The following TSBP1 variants were observed in gnomAD, a reference collection of about 807,000 sequenced individuals.
TSBP1 encodes testis-expressed basic protein 1.
A neutral mutation model predicts 68.8 loss-of-function variants in TSBP1; 56 were observed. The observed-to-expected ratio is 0.81, with a 90% CI of 0.66 to 1.02. TSBP1 has a LOEUF of 1.02. Among genes scored for constraint, TSBP1 ranks in the 50% least tolerant of loss-of-function variants. The pLI, the probability that TSBP1 is intolerant of heterozygous loss-of-function variation, is 0.00. For synonymous variants in TSBP1, 171 were observed against 208.7 expected (o/e 0.82, Z 1.56); for missense variants, 502 against 641.2 (o/e 0.78, Z 2.34).
chr6:32,295,991 T>C (rs1419099586), intron 22 of TSBP1, among the ~76,000 whole-genome samples: 4 of 152,056 alleles, frequency 2.6e-5, no homozygotes, highest in African/African-American at 9.7e-5. Flanking sequence ...ATTACAGGCA[T>C]GTGCCACCAC....
Position 32,329,808 on chromosome 6 carries a change from T to TA in TSBP1, c.514+780dup, listed in dbSNP as rs144197614. 6.7e-3 allele frequency among the ~76,000 whole-genome samples: 1,017 copies of TA among 152,310 alleles called. 17 individuals carry two copies. Among genetic ancestry groups the TA allele is most frequent in the East Asian group, 0.02 (102 of 5,182 alleles). ...CTGCTTGACTTAAACTTTCTAATGC[T>TA]ATCCCTTAATTTCTAGATTCAGAAT... On this transcript the variant is annotated intron_variant, in intron 16 of 22. Transcript: ENST00000612031.
chr6:32,293,015 G>T (rs1764306003), exon 23 of TSBP1: 6 of 1,607,458 alleles, frequency 3.7e-6, no homozygotes, highest in Non-Finnish European at 3.4e-6. Context: ...CTTCCTTCCT[G>T]TATTTGCCTT....
At chr6:32,317,504 C>G (rs1767093404) in intron 18 of TSBP1, among the ~76,000 whole-genome samples, 1 of 152,138 alleles carries the variant, frequency 6.6e-6, no homozygotes, top group African/African-American at 2.4e-5. Context: ...AAGAAACTGT[C>G]AACAGAGTAA....
exon 23 of TSBP1, chr6:32,294,024 C>G (rs1764446432): frequency 6.2e-7 from 1 of 1,608,954 alleles, no homozygotes; most frequent in East Asian, 2.2e-5. Flanking sequence ...TCCATGTAAC[C>G]TGTTAATATA....
intron 6 of TSBP1, 89 bp downstream of exon 6, chr6:32,366,078 A>C (rs951583309): frequency 7.3e-6 from 11 of 1,500,310 alleles, no homozygotes; most frequent in African/African-American, 4.2e-5. Flanking sequence ...TCTTTTTTAA[A>C]TTTTGGTCAG....
At chr6:32,312,501 A>G (rs1399522796) in intron 19 of TSBP1, among the ~76,000 whole-genome samples, 1 of 152,216 alleles carries the variant, frequency 6.6e-6, no homozygotes. Context: ...CTAAGACATC[A>G]TTAAATGATA....
chr6:32,323,501 G>A (rs749198359), intron 17 of TSBP1, 90 bp downstream of exon 18: 12 of 1,249,426 alleles, frequency 9.6e-6, no homozygotes, highest in Non-Finnish European at 5.8e-6. Flanking sequence ...CACAGAGTTA[G>A]AAATGAGCAG....
At chr6:32,370,800 A>G (rs564496590) in intron 1 of TSBP1, among the ~76,000 whole-genome samples, 1 of 151,904 alleles carries the variant, frequency 6.6e-6, no homozygotes, top group Non-Finnish European at 1.5e-5. Flanking sequence ...CTTAGACAAT[A>G]TCATATGGTT....
Position 32,328,742 on chromosome 6 carries a change from G to A in TSBP1, c.514+1847C>T, listed in dbSNP as rs143803628. ...AAATTTTTGTATTTTTAGTAGAGAC[G>A]GGGTTTCACCATGTTTGTCAGGCTG... On this transcript the variant is annotated intron_variant, in intron 16 of 22. Coordinates refer to ENST00000612031, the Ensembl canonical transcript of TSBP1. 6.8e-3 allele frequency among the ~76,000 whole-genome samples: 1,024 copies of A among 151,032 alleles called. 18 individuals are homozygous for A. Among genetic ancestry groups the A allele is most frequent in the East Asian group, 0.02 (102 of 5,122 alleles).
chr6:32,362,290 A>AAT (rs1773142511), intron 6 of TSBP1, among the ~76,000 whole-genome samples: 1 of 148,910 alleles, frequency 6.7e-6, no homozygotes, highest in Admixed American at 6.7e-5. Flanking sequence ...CTCCGTCTCA[A>AAT]AAAAAAAAAA....
At chr6:32,322,965 A>C in intron 18 of TSBP1, 152 bp downstream of exon 19, 1 of 581,030 alleles carries the variant, frequency 1.7e-6, no homozygotes, top group Non-Finnish European at 3.0e-6. Flanking sequence ...ATGCTAGCTT[A>C]GTCCCACTTT....
intron 6 of TSBP1, among the ~76,000 whole-genome samples, chr6:32,362,609 T>A (rs1773192025): frequency 6.6e-6 from 1 of 152,246 alleles, no homozygotes; most frequent in African/African-American, 2.4e-5. Context: ...TGGCTTTCAT[T>A]TTGTTGATTG....
chr6:32,336,619 A>C lies in TSBP1; in HGVS notation c.426T>G (p.Pro142=). ...AAAAACAAACTTGATACTTACGAAT[A>C]GGGGCTGTGAATTGCACTGAAATAC... The change falls in exon 12 of 23, where the codon CCT becomes CCG. Residue 142 remains proline (P), a synonymous_variant. Coordinates refer to ENST00000612031, the Ensembl canonical transcript of TSBP1. This position sits in a 1 kb window ranked among gnomAD's most constrained non-coding sequence, Gnocchi z 5.2. 6.2e-7 allele frequency: 1 copy of C among 1,612,412 alleles called. No individual in the cohort carries two copies. The highest frequency in any genetic ancestry group is 1.3e-5 in the African/African-American group (1 of 75,052).
chr6:32,292,993 T>A lies in TSBP1; in HGVS notation c.1680A>T (p.Lys560Asn). Residue 560 changes from lysine (K) to asparagine (N), a missense_variant, in exon 23 of 23, where the codon AAA becomes AAT. Physicochemically the swap from Lys to Asn is moderately conservative, Grantham distance 94. Coordinates refer to ENST00000612031, the Ensembl canonical transcript of TSBP1. The surrounding 1 kb of genome is among the most constrained non-coding windows in gnomAD (Gnocchi z 4.1). ...AAAAAATTTATCCTTACTCTTCCAC[T>A]TTTTTGTTGTACTTCCTTCCTGTAT... 13 of 1,594,712 alleles carry A rather than the reference T, an allele frequency of 8.2e-6. No homozygotes were observed. The highest frequency in any genetic ancestry group is 1.0e-5 in the Non-Finnish European group (12 of 1,174,414).
chr6:32,293,896 AAATAT>A lies in TSBP1; in HGVS notation c.772_776del (p.Ile258TyrfsTer23). ...ATTTCAAGGATTCTACAGAATTCGT[AAATAT>A]GATGTCATTCTTTAGTGCTTCCTTG... is the stretch of plus-strand genomic sequence containing the variant. On this transcript the variant is annotated frameshift_variant, in exon 23 of 23. Coordinates refer to ENST00000612031, the Ensembl canonical transcript of TSBP1. LOFTEE classifies it low-confidence loss of function (END_TRUNC). 6.2e-7 allele frequency: 1 copy of A among 1,612,946 alleles called. No individual in the cohort carries two copies. Among genetic ancestry groups the A allele is most frequent in the Non-Finnish European group, 8.5e-7 (1 of 1,179,976 alleles).
At chr6:32,362,612 GTTGA>G (rs1386329567) in intron 6 of TSBP1, among the ~76,000 whole-genome samples, 2 of 152,104 alleles carry the variant, frequency 1.3e-5, no homozygotes, top group African/African-American at 2.4e-5. Context: ...CTTTCATTTT[GTTGA>G]TTGTTTCCTT....
chr6:32,355,230 C>A, intron 7 of TSBP1, 86 bp from the exon 8 acceptor site: 1 of 1,380,130 alleles, frequency 7.2e-7, no homozygotes. Flanking sequence ...TGCTGTCACC[C>A]CCTTCTCAGG....
chr6:32,363,684 C>T (rs1360983341), intron 6 of TSBP1, among the ~76,000 whole-genome samples: 1 of 110,328 alleles, frequency 9.1e-6, no homozygotes, highest in African/African-American at 2.7e-5. Context: ...TCAAAATTTA[C>T]ATTTAAAAAA....
At chr6:32,353,387 A>G (rs1771921910) in intron 8 of TSBP1, among the ~76,000 whole-genome samples, 1 of 152,128 alleles carries the variant, frequency 6.6e-6, no homozygotes, top group East Asian at 1.9e-4. Flanking sequence ...ATGCAGCAAA[A>G]GACATGCAAG....
Sources: gnomAD v4.1 joint callset for allele counts (sites outside exome capture counted in the v4.1 genomes callset) on GRCh38, gnomAD v4.1.1 for gene constraint, Gnocchi (gnomAD v3.1) non-coding constraint, MANE v1.5 for transcripts, NCBI Gene and HGNC (gene_info 2026-07-23, HGNC 2026-07-21) for gene names.